COL28A1: variants seen among roughly 807,000 people sequenced by gnomAD.
COL28A1 encodes the protein collagen type XXVIII alpha 1 chain.
A neutral mutation model predicts 150.2 loss-of-function variants in COL28A1; 161 were observed. That is an observed-to-expected ratio of 1.07 (90% CI 0.94 to 1.22). The LOEUF (loss-of-function observed/expected upper bound fraction) is 1.22, where lower values mean the gene tolerates loss of function less well. Among genes scored for constraint, COL28A1 ranks in the 50% most tolerant of loss-of-function variants. The probability of loss-of-function intolerance (pLI) is 0.00; values close to 1 mark genes in which losing one functional copy is unlikely to be tolerated. For missense variants in COL28A1, 1,617 were observed against 1,388.3 expected, an observed-to-expected ratio of 1.16 and a Z score of -2.62; for synonymous variants, 552 against 469.7, an observed-to-expected ratio of 1.18 and a Z score of -2.26.
intron 27 of COL28A1, among the ~76,000 whole-genome samples, chr7:7,389,120 T>G (rs7795296): frequency 0.1 from 15,956 of 152,212 alleles, 894 homozygotes; most frequent in Middle Eastern, 0.16. Flanking sequence ...AGGGTTTTTT[T>G]TTAAGGTTTT....
At chr7:7,381,396 T>C (rs1296914913) in intron 28 of COL28A1, 148 bp downstream of exon 28, 3 of 632,982 alleles carry the variant, frequency 4.7e-6, no homozygotes, top group Middle Eastern at 3.1e-4. Flanking sequence ...GACAAAGCAA[T>C]GCACGAGGAT....
chr7:7,509,725 C>A (rs530739099), intron 9 of COL28A1, among the ~76,000 whole-genome samples: 1 of 151,960 alleles, frequency 6.6e-6, no homozygotes, highest in African/African-American at 2.4e-5. Flanking sequence ...AATATGATAT[C>A]CTTTGTCAAC....
chr7:7,361,540 G>A (rs1272074600), intron 33 of COL28A1, among the ~76,000 whole-genome samples: 1 of 152,156 alleles, frequency 6.6e-6, no homozygotes, highest in African/African-American at 2.4e-5. Context: ...CATTCTAACT[G>A]GCATGAAATG....
At chr7:7,492,269 A>G (rs1166561134) in intron 11 of COL28A1, among the ~76,000 whole-genome samples, 1 of 152,098 alleles carries the variant, frequency 6.6e-6, no homozygotes, top group Non-Finnish European at 1.5e-5. Context: ...TAGTAAAGAC[A>G]TTGCTTTACT....
chr7:7,483,895 ATTAAC>A lies in COL28A1; in HGVS notation c.1164+5489_1164+5493del, dbSNP rs571073488. On this transcript the variant is annotated intron_variant, in intron 13 of 34. Coordinates refer to ENST00000399429, the MANE Select transcript of COL28A1 (RefSeq NM_001037763.3). Reference sequence around the variant, plus strand: ...ATAACTAAGAATTTTTAAAATACTTATTAACTTAAAAATACAATGAATGAGTTAAG... The same window carrying A: ...ATAACTAAGAATTTTTAAAATACTTATTAAAAATACAATGAATGAGTTAAG... 3.3e-5 allele frequency among the ~76,000 whole-genome samples: 5 copies of A among 152,272 alleles called. No individual in the cohort carries two copies. The South Asian group carries it at 1.0e-3, about 32-fold the overall frequency.
In COL28A1 at chr7:7,380,713, A is replaced by G; in HGVS notation, c.2287-18T>C. Reference sequence around the variant, plus strand: ...TGTAAACCCTACTTAGTGGAAGAAGAGTAAAAGTCAATATAGGTTGGAACC... The same window carrying G: ...TGTAAACCCTACTTAGTGGAAGAAGGGTAAAAGTCAATATAGGTTGGAACC... On this transcript the variant is annotated intron_variant, in intron 29 of 34. Transcript: ENST00000399429. 1 of 1,613,618 alleles carries G rather than the reference A, an allele frequency of 6.2e-7. No individual in the cohort carries two copies. The highest frequency in any genetic ancestry group is 8.5e-7 in the Non-Finnish European group (1 of 1,179,558).
chr7:7,388,655 C>G (rs987580262), intron 27 of COL28A1, among the ~76,000 whole-genome samples: 1 of 152,118 alleles, frequency 6.6e-6, no homozygotes, highest in Non-Finnish European at 1.5e-5. Flanking sequence ...TCTCCACATC[C>G]TCTCCAGCAT....
rs908993371 is a variant in COL28A1, at chr7:7,362,549, C to T, written c.3067-2021G>A. On this transcript the variant is annotated intron_variant, in intron 33 of 34. Transcript: ENST00000399429. ...CACAAGAGGGAAAAAGTAATTAGTA[C>T]TATTACTCATGTATGCGTATTTTTT... Among the ~76,000 whole-genome samples the T allele has an allele frequency of 7.2e-5, 11 of 152,224 alleles. No homozygotes were observed. In the East Asian group the frequency reaches 7.7e-4, roughly 11 times the overall value.
chr7:7,532,038 G>A (rs766763314), intron 2 of COL28A1, 134 bp from the exon 3 acceptor site: 36 of 570,552 alleles, frequency 6.3e-5, no homozygotes, highest in South Asian at 1.0e-4. Context: ...AGAGAGACAC[G>A]TTGGACAGAA....
chr7:7,472,427 CA>C (rs562387897), intron 15 of COL28A1, among the ~76,000 whole-genome samples: 54 of 143,346 alleles, frequency 3.8e-4, no homozygotes, highest in Admixed American at 5.6e-4. Flanking sequence ...ACAATAGCTG[CA>C]AAAAAAAAAA....
intron 25 of COL28A1, among the ~76,000 whole-genome samples, chr7:7,421,751 CTTAA>C (rs1784397739): frequency 6.6e-6 from 1 of 152,310 alleles, no homozygotes; most frequent in African/African-American, 2.4e-5. Context: ...TTATTACTGA[CTTAA>C]TTCTTTTAAT....
At chr7:7,527,212 GAA>G (rs1782074188) in intron 3 of COL28A1, among the ~76,000 whole-genome samples, 1 of 152,128 alleles carries the variant, frequency 6.6e-6, no homozygotes, top group African/African-American at 2.4e-5. Context: ...TTCAAACAAA[GAA>G]CAAAGCCCCA....
chr7:7,369,751 G>T (rs760350581), intron 33 of COL28A1, among the ~76,000 whole-genome samples: 3 of 152,156 alleles, frequency 2.0e-5, no homozygotes, highest in Non-Finnish European at 2.9e-5. Context: ...TGATCCGAAT[G>T]TTCCTTAGGG....
At chr7:7,472,456 T>C (rs2128348620) in intron 15 of COL28A1, among the ~76,000 whole-genome samples, 1 of 151,888 alleles carries the variant, frequency 6.6e-6, no homozygotes, top group East Asian at 1.9e-4. Context: ...CTTAGGAATA[T>C]ACCTAACCAA....
intron 13 of COL28A1, among the ~76,000 whole-genome samples, chr7:7,486,874 T>C (rs1465608722): frequency 1.3e-5 from 2 of 152,216 alleles, no homozygotes; most frequent in Non-Finnish European, 2.9e-5. Flanking sequence ...ATGTCTATAT[T>C]CACAAGGGAT....
In COL28A1 at chr7:7,524,258, GA is replaced by G; in HGVS notation, c.682-10del. ...TTTTCAAATAAGATATCCTACAAGG[GA>G]AAAAAGAATGAAGCATTAACTCGAT... On this transcript the variant is annotated splice_polypyrimidine_tract_variant and intron_variant, in intron 3 of 34. Transcript: ENST00000399429. 35 of 1,339,972 alleles carry G rather than the reference GA, an allele frequency of 2.6e-5. No individual in the cohort carries two copies. The highest frequency in any genetic ancestry group is 3.5e-5 in the Non-Finnish European group (33 of 930,862). 83.0% of individuals were successfully genotyped at this position (1,339,972 alleles called of 1,614,324 possible).
At chr7:7,374,723 G>A (rs4720731) in intron 31 of COL28A1, among the ~76,000 whole-genome samples, 8,324 of 152,168 alleles carry the variant, frequency 0.055, 330 homozygotes, top group Non-Finnish European at 0.077. Context: ...GAACCCAGAA[G>A]CCATGTCTAG....
At chr7:7,359,541 C>T (rs956369894) in intron 34 of COL28A1, among the ~76,000 whole-genome samples, 2 of 152,096 alleles carry the variant, frequency 1.3e-5, no homozygotes, top group African/African-American at 4.8e-5. Flanking sequence ...CTCTGGAGTG[C>T]CTTGATTAGT....
intron 19 of COL28A1, 104 bp from the exon 20 acceptor site, chr7:7,443,757 C>G: frequency 6.8e-7 from 1 of 1,465,262 alleles, no homozygotes; most frequent in Non-Finnish European, 9.1e-7. Flanking sequence ...AGCTGAGACT[C>G]TCCAAAACAC....
Sources: allele counts gnomAD v4.1 joint callset (sites outside exome capture counted in the v4.1 genomes callset), GRCh38; gene constraint gnomAD v4.1.1; transcripts MANE v1.5; gene names NCBI Gene and HGNC (gene_info 2026-07-23, HGNC 2026-07-21).